Variants in TFDP2 observed in about 807,000 individuals in gnomAD.
TFDP2 encodes the protein transcription factor Dp-2, also known as transcription factor Dp-2 (E2F dimerization partner 2).
A neutral mutation model predicts 59.3 loss-of-function variants in TFDP2; 17 were observed. That is an observed-to-expected ratio of 0.29 (90% CI 0.20 to 0.43). The LOEUF (loss-of-function observed/expected upper bound fraction) is 0.43, where lower values mean the gene tolerates loss of function less well. TFDP2 is among the 20% of genes least tolerant of loss of function. TFDP2 has a pLI of 1.00. For missense variants in TFDP2, 391 were observed against 528.8 expected (o/e 0.74, Z 2.56); for synonymous variants, 180 against 194.7 (o/e 0.92, Z 0.63).
rs529653616 is a variant in TFDP2, at chr3:141,973,252, T to C, written c.663+796A>G. 1.8e-3 allele frequency among the ~76,000 whole-genome samples: 267 copies of C among 151,862 alleles called. 1 individual carries two copies. Among genetic ancestry groups the C allele is most frequent in the African/African-American group, 6.2e-3 (256 of 41,484 alleles). ...CTCCTGCCTCAGCTTTCCAAGTAGC[T>C]GGGATTACAGGCGTCTGCCACTGGC... On this transcript the variant is annotated intron_variant, in intron 8 of 12. Coordinates refer to ENST00000489671, the MANE Select transcript of TFDP2 (RefSeq NM_001178139.2).
chr3:142,061,472 G>A (rs575906898), intron 3 of TFDP2, among the ~76,000 whole-genome samples: 1 of 152,206 alleles, frequency 6.6e-6, no homozygotes, highest in Non-Finnish European at 1.5e-5. Context: ...GTTTCTGGAA[G>A]AGACTAGCAT....
chr3:142,080,698 C>T (rs1051032787), intron 3 of TFDP2, among the ~76,000 whole-genome samples: 1 of 152,122 alleles, frequency 6.6e-6, no homozygotes, highest in African/African-American at 2.4e-5. Flanking sequence ...TGTAGCTATA[C>T]TTGTATCAGA....
At chr3:141,970,879 T>C (rs1260111598) in intron 8 of TFDP2, among the ~76,000 whole-genome samples, 2 of 151,554 alleles carry the variant, frequency 1.3e-5, no homozygotes, top group Non-Finnish European at 1.5e-5. Context: ...CTGGCCAACA[T>C]GGCGAAACCC....
intron 1 of TFDP2, among the ~76,000 whole-genome samples, chr3:142,135,484 C>A (rs2062691966): frequency 6.6e-6 from 1 of 151,872 alleles, no homozygotes; most frequent in African/African-American, 2.4e-5. Context: ...TATACATGTG[C>A]CATGTTGCTT....
chr3:141,989,727 G>A (rs1942536092), intron 6 of TFDP2, among the ~76,000 whole-genome samples: 1 of 152,038 alleles, frequency 6.6e-6, no homozygotes, highest in African/African-American at 2.4e-5. Context: ...AGGGTACAAT[G>A]GCTACCATTT....
intron 3 of TFDP2, among the ~76,000 whole-genome samples, chr3:142,053,462 C>G (rs1321329198): frequency 6.6e-6 from 1 of 152,190 alleles, no homozygotes; most frequent in African/African-American, 2.4e-5. Context: ...GAAGTAGATG[C>G]TGGCACCATG....
At chr3:142,040,936 C>T (rs1946934686) in intron 3 of TFDP2, among the ~76,000 whole-genome samples, 1 of 152,150 alleles carries the variant, frequency 6.6e-6, no homozygotes. Flanking sequence ...AAAGCAACCA[C>T]TAAAAATGTA....
At chr3:142,114,510 C>A (rs1443272730) in intron 1 of TFDP2, among the ~76,000 whole-genome samples, 2 of 151,878 alleles carry the variant, frequency 1.3e-5, no homozygotes, top group Non-Finnish European at 2.9e-5. Flanking sequence ...TTTCATGTAC[C>A]ATATATTGAA....
chr3:142,035,041 T>C (rs563146061), intron 3 of TFDP2, among the ~76,000 whole-genome samples: 2 of 152,350 alleles, frequency 1.3e-5, no homozygotes, highest in South Asian at 4.1e-4. Context: ...TCCTTCTCTG[T>C]TTCCACCCCA....
intron 3 of TFDP2, among the ~76,000 whole-genome samples, chr3:142,036,605 C>G (rs946757861): frequency 6.6e-6 from 1 of 152,164 alleles, no homozygotes; most frequent in African/African-American, 2.4e-5. Context: ...AGCATGCACT[C>G]AATAAATATC....
chr3:142,145,227 A>G (rs765116907), intron 1 of TFDP2, among the ~76,000 whole-genome samples: 8 of 152,244 alleles, frequency 5.3e-5, no homozygotes, highest in Non-Finnish European at 1.2e-4. Context: ...AACAAGGTAT[A>G]TTGCTCCAAA....
intron 3 of TFDP2, among the ~76,000 whole-genome samples, chr3:142,069,062 C>T (rs1477747002): frequency 6.6e-6 from 1 of 151,626 alleles, no homozygotes; most frequent in African/African-American, 2.4e-5. Context: ...ATTACAGGCG[C>T]ACACCACCAT....
intron 3 of TFDP2, among the ~76,000 whole-genome samples, chr3:142,066,654 T>A (rs1271388207): frequency 6.6e-6 from 1 of 152,104 alleles, no homozygotes; most frequent in East Asian, 1.9e-4. Flanking sequence ...ATCGTTAAGT[T>A]GGGGATCATC....
intron 9 of TFDP2, among the ~76,000 whole-genome samples, chr3:141,968,700 C>T (rs1333799266): frequency 9.5e-6 from 1 of 104,752 alleles, no homozygotes; most frequent in Non-Finnish European, 1.7e-5. Context: ...ATATATAACA[C>T]ATATATATCT....
chr3:142,099,912 T>G (rs1432139181), intron 2 of TFDP2, among the ~76,000 whole-genome samples: 1 of 152,126 alleles, frequency 6.6e-6, no homozygotes, highest in African/African-American at 2.4e-5. Context: ...AACAGCACAG[T>G]CATTTACCCA....
intron 3 of TFDP2, among the ~76,000 whole-genome samples, chr3:142,053,472 G>A (rs1031518286): frequency 5.3e-5 from 8 of 152,156 alleles, no homozygotes; most frequent in African/African-American, 1.9e-4. Context: ...CTGGCACCAT[G>A]CTTCCTGTAC....
In TFDP2 at chr3:141,949,023, A is replaced by G. The variant is rs1259757665; in HGVS notation, c.*3490T>C. On this transcript the variant is annotated 3_prime_UTR_variant, in exon 13 of 13. Coordinates refer to ENST00000489671, the MANE Select transcript of TFDP2 (RefSeq NM_001178139.2). ...AACCCGGGAGGCGGAGCTTGCAGTG[A>G]GCCGAGATCACCACTGCACTCCAGC... is the stretch of plus-strand genomic sequence containing the variant. 1 of 135,412 alleles carries G rather than the reference A, an allele frequency of 7.4e-6. No individual in the cohort carries two copies. The highest frequency in any genetic ancestry group is 2.2e-4 in the East Asian group (1 of 4,468). The allele number at this position is 135,412 out of a possible 1,614,324, so 8.4% of individuals were successfully genotyped here.
intron 1 of TFDP2, among the ~76,000 whole-genome samples, chr3:142,110,716 C>T (rs977803791): frequency 6.6e-6 from 1 of 152,028 alleles, no homozygotes; most frequent in African/African-American, 2.4e-5. Context: ...CTTTGGGAGG[C>T]CCTGGTAGGC....
chr3:142,033,638 G>T (rs4683661), intron 3 of TFDP2, among the ~76,000 whole-genome samples: 1 of 152,158 alleles, frequency 6.6e-6, no homozygotes. Flanking sequence ...GTTAGGGAGG[G>T]ACAAAATTTT....
Sources: allele counts gnomAD v4.1 joint callset (sites outside exome capture counted in the v4.1 genomes callset), GRCh38; gene constraint gnomAD v4.1.1; transcripts MANE v1.5; gene names NCBI Gene and HGNC (gene_info 2026-07-23, HGNC 2026-07-21).